Variants in ALKBH3 observed in about 807,000 individuals in gnomAD.
ALKBH3 encodes the protein alkB homolog 3, alpha-ketoglutarate dependent dioxygenase.
A neutral mutation model predicts 43.9 loss-of-function variants in ALKBH3; 51 were observed. The ratio of observed to expected loss-of-function variants is 1.16; its 90% CI spans 0.93 to 1.47. ALKBH3 has a LOEUF of 1.47. Among genes scored for constraint, ALKBH3 ranks in the 40% most tolerant of loss-of-function variants. The pLI, the probability that ALKBH3 is intolerant of heterozygous loss-of-function variation, is 0.00. For missense variants in ALKBH3, 361 were observed against 351.9 expected (o/e 1.03, Z -0.21); for synonymous variants, 102 against 115.2 (o/e 0.89, Z 0.73).
chr11:43,902,458 G>A (rs1178080590), intron 8 of ALKBH3, among the ~76,000 whole-genome samples: 1 of 152,210 alleles, frequency 6.6e-6, no homozygotes, highest in Non-Finnish European at 1.5e-5. Context: ...GACTAAGAAA[G>A]ATAGTAATGC....
chr11:43,882,116 C>A (rs1951715716), intron 1 of ALKBH3, among the ~76,000 whole-genome samples: 1 of 152,184 alleles, frequency 6.6e-6, no homozygotes, highest in African/African-American at 2.4e-5. Flanking sequence ...TACCTGTATC[C>A]ATCCTAAATC....
At position 43,884,104 on chromosome 11, in the gene ALKBH3, A is replaced by G. The variant is rs530233119; in HGVS notation, c.218+87A>G. ...TTCCTCACTGTTTTTTCTATCTGGA[A>G]GAGAATGGCCCAATAAGTGTCTTAA... On this transcript the variant is annotated intron_variant, in intron 4 of 9. Transcript: ENST00000302708. The G allele has an allele frequency of 4.5e-4, 677 of 1,498,488 alleles. 4 individuals are homozygous for G. The highest frequency in any genetic ancestry group is 2.2e-3 in the Middle Eastern group (13 of 5,824). The allele number at this position is 1,498,488 out of a possible 1,614,324, so 92.8% of individuals were successfully genotyped here.
chr11:43,884,788 GTCAC>G (rs1488103099), intron 4 of ALKBH3, among the ~76,000 whole-genome samples: 3 of 152,108 alleles, frequency 2.0e-5, no homozygotes, highest in Non-Finnish European at 2.9e-5. Flanking sequence ...CTGTCACTCT[GTCAC>G]TCAGGCTGGA....
chr11:43,886,113 G>C (rs1951744860), intron 4 of ALKBH3, among the ~76,000 whole-genome samples: 1 of 152,168 alleles, frequency 6.6e-6, no homozygotes, highest in Non-Finnish European at 1.5e-5. Context: ...TCAGAAGATA[G>C]AGCTACATTA....
intron 7 of ALKBH3, chr11:43,899,494 C>T: frequency 4.3e-6 from 3 of 704,930 alleles, no homozygotes; most frequent in South Asian, 2.9e-5. Context: ...GCCACAGTGG[C>T]TTCTCCCAGT....
chr11:43,894,415 T>C (rs1193607506), intron 7 of ALKBH3, among the ~76,000 whole-genome samples: 1 of 152,258 alleles, frequency 6.6e-6, no homozygotes, highest in Non-Finnish European at 1.5e-5. Flanking sequence ...GAGATAATGC[T>C]GAATTTTAAT....
intron 8 of ALKBH3, among the ~76,000 whole-genome samples, chr11:43,904,220 T>C (rs1008454458): frequency 6.6e-6 from 1 of 152,194 alleles, no homozygotes. Flanking sequence ...GCTATGACGA[T>C]GGTAGCTGAT....
At chr11:43,897,621 GA>G in intron 7 of ALKBH3, 1 of 883,236 alleles carries the variant, frequency 1.1e-6, no homozygotes, top group Non-Finnish European at 2.0e-6. Context: ...TCATGTCATT[GA>G]AAGGCGCTGC....
chr11:43,900,215 A>ATTTTTTTT (rs34274072), intron 7 of ALKBH3, among the ~76,000 whole-genome samples: 1 of 87,150 alleles, frequency 1.1e-5, no homozygotes, highest in Non-Finnish European at 2.2e-5. Context: ...TTTTAATTTA[A>ATTTTTTTT]TTTTTTTTTT....
rs139535282 is a variant in ALKBH3, at chr11:43,901,621, G to A, written c.565G>A (p.Asp189Asn). The change falls in exon 8 of 10, where the codon GAC (aspartate) becomes AAC (asparagine). Residue 189 changes from aspartate (D) to asparagine (N), a missense_variant. Coordinates refer to ENST00000302708, the MANE Select transcript of ALKBH3 (RefSeq NM_139178.4). ...NLYRNEKDSV[D>N]WHSDDEPSLG... ...TTATCGCAATGAGAAGGACAGCGTG[G>A]ACTGGCACAGTGATGATGAACCCTC... is the stretch of plus-strand genomic sequence containing the variant. 1,470 of 1,614,236 alleles carry A rather than the reference G, an allele frequency of 9.1e-4. 1 individual carries two copies. The highest frequency in any genetic ancestry group is 1.1e-3 in the Non-Finnish European group (1,310 of 1,180,040).
intron 6 of ALKBH3, among the ~76,000 whole-genome samples, chr11:43,890,331 C>A (rs1455649973): frequency 6.6e-6 from 1 of 152,180 alleles, no homozygotes; most frequent in African/African-American, 2.4e-5. Flanking sequence ...AGTGACACGG[C>A]AGTTTGTTAC....
chr11:43,882,572 T>C lies in ALKBH3; in HGVS notation c.-70-11T>C. ...ACTAAAAGCACTGTTTTGTTTTGTT[T>C]TAATAAACAGATACCATGGAGTAGT... On this transcript the variant is annotated splice_polypyrimidine_tract_variant and intron_variant, in intron 1 of 9. Transcript: ENST00000302708. 1 of 1,329,742 alleles carries C rather than the reference T, an allele frequency of 7.5e-7. No individual in the cohort carries two copies. The highest frequency in any genetic ancestry group is 1.0e-6 in the Non-Finnish European group (1 of 964,554). The allele number at this position is 1,329,742 out of a possible 1,614,324, so 82.4% of individuals were successfully genotyped here.
At chr11:43,898,066 C>A in intron 7 of ALKBH3, 1 of 997,436 alleles carries the variant, frequency 1.0e-6, no homozygotes, top group Non-Finnish European at 1.6e-6. Context: ...AGATGCTGTC[C>A]TCAAGGAGGG....
At chr11:43,884,137 C>T in intron 4 of ALKBH3, 120 bp downstream of exon 4, 1 of 1,137,058 alleles carries the variant, frequency 8.8e-7, no homozygotes, top group Non-Finnish European at 1.3e-6. Context: ...TAACTGTAGT[C>T]TGGGATATTC....
intron 9 of ALKBH3, 41 bp from the exon 10 acceptor site, chr11:43,919,877 A>ATG (rs1481404192): frequency 3.3e-6 from 5 of 1,534,774 alleles, no homozygotes; most frequent in Non-Finnish European, 4.5e-6. Context: ...AAAAGTGTGT[A>ATG]TGTGTGTATT....
chr11:43,901,531 C>T lies in ALKBH3; in HGVS notation c.475C>T (p.Arg159Cys), dbSNP rs137865466. 141 of 1,613,630 alleles carry T rather than the reference C, an allele frequency of 8.7e-5. No individual in the cohort carries two copies. In the African/African-American group the frequency reaches 9.3e-4, roughly 11 times the overall value. ...EPNPHWHPVL[R>C]TLKNRIEENT... ...TGGATTGCAGTGGCACCCTGTGCTG[C>T]GCACACTAAAGAACCGCATTGAAGA... The change falls in exon 8 of 10, where the codon CGC becomes TGC. Residue 159 changes from arginine (R) to cysteine (C), a missense_variant. Transcript: ENST00000302708.
At chr11:43,898,177 G>T (rs556490938) in intron 7 of ALKBH3, 4 of 1,225,134 alleles carry the variant, frequency 3.3e-6, no homozygotes, top group African/African-American at 1.5e-5. Context: ...ATACCTGGGC[G>T]ATTTGACTCC....
chr11:43,884,948 A>C lies in ALKBH3; in HGVS notation c.218+931A>C, dbSNP rs34728583. ...TTAAAAAATTTTTTGTAGAGATGGG[A>C]TCTCCCTATGTTGCCTGGGCTGGTT... On this transcript the variant is annotated intron_variant, in intron 4 of 9. Transcript: ENST00000302708. Among the ~76,000 whole-genome samples the C allele has an allele frequency of 2.0e-5, 3 of 150,818 alleles. No individual in the cohort carries two copies. In the East Asian group the frequency reaches 5.8e-4, roughly 29 times the overall value.
At chr11:43,883,558 T>C (rs566625802) in intron 3 of ALKBH3, among the ~76,000 whole-genome samples, 250 of 152,302 alleles carry the variant, frequency 1.6e-3, no homozygotes, top group African/African-American at 5.6e-3. Context: ...AAATGCCTGA[T>C]TTTTAGCCCT....
Sources: gnomAD v4.1 joint callset for allele counts (sites outside exome capture counted in the v4.1 genomes callset) on GRCh38, gnomAD v4.1.1 for gene constraint, MANE v1.5 for transcripts, NCBI Gene and HGNC (gene_info 2026-07-23, HGNC 2026-07-21) for gene names.